Variants in TAB2 observed in about 807,000 individuals in gnomAD.
TAB2 encodes the protein TGF-beta-activated kinase 1 and MAP3K7-binding protein 2.
A neutral mutation model predicts 65.0 loss-of-function variants in TAB2; 3 were observed. The observed-to-expected ratio is 0.05, with a 90% confidence interval of 0.02 to 0.12. The LOEUF (loss-of-function observed/expected upper bound fraction) is 0.12. Ranked by LOEUF, TAB2 falls within the 10% of genes least tolerant of loss-of-function variation. The pLI, the probability that TAB2 is intolerant of heterozygous loss-of-function variation, is 1.00. For synonymous variants in TAB2, 298 were observed against 285.1 expected, an observed-to-expected ratio of 1.05 and a Z score of -0.46; for missense variants, 623 against 840.3, an observed-to-expected ratio of 0.74 and a Z score of 3.20.
At chr6:149,239,906 T>C (rs1777567272) in intron 1 of TAB2, among the ~76,000 whole-genome samples, 1 of 152,198 alleles carries the variant, frequency 6.6e-6, no homozygotes, top group Admixed American at 6.5e-5. Flanking sequence ...CAAGCTTTTC[T>C]GCACAGGACC....
In TAB2 at chr6:149,268,545, G is replaced by A. The variant is rs1051026351; in HGVS notation, c.-121+49769G>A. On this transcript the variant is annotated intron_variant, in intron 1 of 1. Coordinates refer to the TAB2 transcript ENST00000606202. Reference sequence around the variant, plus strand: ...GAAAATGTTGACATTTATGATGACTGTGAGATCCTTGCATTGGATAAATTC... The same window carrying A: ...GAAAATGTTGACATTTATGATGACTATGAGATCCTTGCATTGGATAAATTC... Among the ~76,000 whole-genome samples the A allele has an allele frequency of 3.3e-5, 5 of 152,206 alleles. No individual in the cohort carries two copies. The East Asian group carries it at 5.8e-4, about 18-fold the overall frequency.
At chr6:149,338,872 A>G (rs1192570000) in intron 1 of TAB2, among the ~76,000 whole-genome samples, 1 of 152,216 alleles carries the variant, frequency 6.6e-6, no homozygotes, top group African/African-American at 2.4e-5. Context: ...TCTTTTCTGT[A>G]TGGTTGAATC....
intron 1 of TAB2, among the ~76,000 whole-genome samples, chr6:149,253,635 A>AG (rs1399534301): frequency 3.9e-5 from 5 of 127,488 alleles, no homozygotes; most frequent in East Asian, 2.2e-4. Flanking sequence ...AAAAAAAAAA[A>AG]AAAGAAAGCC....
intron 3 of TAB2, among the ~76,000 whole-genome samples, chr6:149,387,246 C>G (rs1309481597): frequency 6.6e-6 from 1 of 152,104 alleles, no homozygotes; most frequent in African/African-American, 2.4e-5. Flanking sequence ...TTCTTATATT[C>G]TAGTCTTTGA....
At chr6:149,309,487 C>A (rs1235551967) in intron 1 of TAB2, among the ~76,000 whole-genome samples, 3 of 151,982 alleles carry the variant, frequency 2.0e-5, no homozygotes, top group African/African-American at 7.3e-5. Flanking sequence ...AGCTCCACCT[C>A]CCAGGTTCAC....
intron 1 of TAB2, among the ~76,000 whole-genome samples, chr6:149,272,923 T>C (rs1778389015): frequency 6.6e-6 from 1 of 152,214 alleles, no homozygotes; most frequent in Non-Finnish European, 1.5e-5. Flanking sequence ...TATTGTGAAC[T>C]GCACGTGAGG....
At chr6:149,291,919 A>G (rs998715120) in intron 1 of TAB2, among the ~76,000 whole-genome samples, 1 of 152,214 alleles carries the variant, frequency 6.6e-6, no homozygotes, top group Admixed American at 6.5e-5. Context: ...TTCTAGGAGA[A>G]TGAGTACTAA....
At chr6:149,229,883 A>G (rs141144106) in intron 1 of TAB2, 2 of 152,332 alleles carry the variant, frequency 1.3e-5, no homozygotes, top group African/African-American at 4.8e-5. Flanking sequence ...TTGAATGGTC[A>G]TGTTATTATT....
intron 1 of TAB2, among the ~76,000 whole-genome samples, chr6:149,272,567 A>C (rs1778383129): frequency 6.6e-6 from 1 of 152,144 alleles, no homozygotes; most frequent in Non-Finnish European, 1.5e-5. Flanking sequence ...TGACTCTGAC[A>C]CTGCTGCCTC....
chr6:149,301,206 C>T (rs1277425229), intron 1 of TAB2, among the ~76,000 whole-genome samples: 5 of 152,180 alleles, frequency 3.3e-5, no homozygotes, highest in Admixed American at 6.5e-5. Flanking sequence ...CTTAGGACAA[C>T]CAAAACCAGA....
intron 1 of TAB2, among the ~76,000 whole-genome samples, chr6:149,359,456 C>G (rs1780774791): frequency 6.6e-6 from 1 of 152,122 alleles, no homozygotes; most frequent in Admixed American, 6.5e-5. Flanking sequence ...ACTCATGGCT[C>G]TAGTGAATTT....
intron 1 of TAB2, among the ~76,000 whole-genome samples, chr6:149,357,430 A>AAAAAAAACACACACACACACAC: frequency 2.4e-4 from 27 of 111,172 alleles, no homozygotes; most frequent in African/African-American, 8.9e-4. Context: ...AGAAAAAAAA[A>AAAAAAAACACACACACACACAC]ACACACACAC....
intron 1 of TAB2, chr6:149,244,061 G>C (rs1007675177): frequency 5.3e-5 from 8 of 152,226 alleles, no homozygotes; most frequent in African/African-American, 1.2e-4. Context: ...CATAACTTCA[G>C]TTTGGAACAT....
intron 1 of TAB2, among the ~76,000 whole-genome samples, chr6:149,248,561 G>C (rs1249402750): frequency 1.3e-5 from 2 of 151,968 alleles, no homozygotes; most frequent in Admixed American, 6.6e-5. Flanking sequence ...GTTCACATCT[G>C]AGTCTCCCCA....
At chr6:149,305,002 G>A (rs916794428) in intron 1 of TAB2, among the ~76,000 whole-genome samples, 4 of 151,878 alleles carry the variant, frequency 2.6e-5, no homozygotes, top group Admixed American at 6.6e-5. Context: ...CAAATACAAC[G>A]TAAATGCTAC....
intron 1 of TAB2, among the ~76,000 whole-genome samples, chr6:149,330,338 G>A (rs916232343): frequency 1.3e-5 from 2 of 152,150 alleles, no homozygotes; most frequent in East Asian, 1.9e-4. Context: ...GTTGGGTTGC[G>A]TGATAAATGT....
chr6:149,335,354 A>C (rs926333805), intron 1 of TAB2, among the ~76,000 whole-genome samples: 8 of 151,114 alleles, frequency 5.3e-5, no homozygotes, highest in Admixed American at 1.3e-4. Context: ...TGTATATATA[A>C]CATATATATA....
At chr6:149,257,447 C>G (rs1184519764) in intron 1 of TAB2, 1 of 151,994 alleles carries the variant, frequency 6.6e-6, no homozygotes, top group Admixed American at 6.6e-5. Context: ...AAACTAAGAT[C>G]CATGTTTCTT....
At chr6:149,400,900 T>C in intron 6 of TAB2, 1 of 558,160 alleles carries the variant, frequency 1.8e-6, no homozygotes, top group South Asian at 2.9e-5. Context: ...AAACAGCCAA[T>C]GGTATGTTTT....
Sources: gnomAD v4.1 joint callset for allele counts (sites outside exome capture counted in the v4.1 genomes callset) on GRCh38, gnomAD v4.1.1 for gene constraint, MANE v1.5 for transcripts, NCBI Gene and HGNC (gene_info 2026-07-23, HGNC 2026-07-21) for gene names.